SLC4A4: variants seen among roughly 807,000 people sequenced by gnomAD.
The protein encoded by SLC4A4 is electrogenic sodium bicarbonate cotransporter 1.
Under a neutral mutation model 111.5 loss-of-function variants are expected in SLC4A4, and 27 were observed. That is an observed-to-expected ratio of 0.24 (90% confidence interval 0.18 to 0.33). The LOEUF (loss-of-function observed/expected upper bound fraction) is 0.33. Among genes scored for constraint, SLC4A4 ranks in the 10% least tolerant of loss-of-function variants. The pLI is 1.00. For synonymous variants in SLC4A4, 443 were observed against 463.4 expected, an observed-to-expected ratio of 0.96 and a Z score of 0.57; for missense variants, 909 against 1,315.5, an observed-to-expected ratio of 0.69 and a Z score of 4.78.
intron 3 of SLC4A4, among the ~76,000 whole-genome samples, chr4:71,314,314 C>T (rs1726479353): frequency 1.3e-5 from 2 of 152,166 alleles, no homozygotes; most frequent in African/African-American, 4.8e-5. Flanking sequence ...TGCTTTTACA[C>T]TGTTGGTGGA....
rs1560626335 is a variant in SLC4A4, at chr4:71,563,881, C to T, written c.3188C>T (p.Pro1063Leu). ...CAACCTTTCCTAAGCGATAGCAAAC[C>T]TTCTGACAGTGAGTAGAACTAACCT... The part of the protein sequence containing the change: ...EQQPFLSDSK[P>L]SDRERSPTFL... Residue 1063 changes from proline (P) to leucine (L), a missense_variant, in exon 24 of 26, where the codon CCT (proline) becomes CTT (leucine). Pro to Leu is a moderately conservative substitution (Grantham distance 98, BLOSUM62 -3). Around this residue, in one of 7 missense-constraint regions of SLC4A4, gnomAD observed 85 missense variants for 79.8 expected, o/e 1.07. Coordinates refer to ENST00000264485, the MANE Select transcript of SLC4A4 (RefSeq NM_001098484.3). The T allele has an allele frequency of 1.9e-6, 3 of 1,602,600 alleles. No individual in the cohort carries two copies. Among genetic ancestry groups the T allele is most frequent in the Non-Finnish European group, 2.6e-6 (3 of 1,170,474 alleles).
intron 16 of SLC4A4, among the ~76,000 whole-genome samples, chr4:71,530,068 CTT>C (rs1187256444): frequency 1.3e-5 from 2 of 152,072 alleles, no homozygotes; most frequent in Non-Finnish European, 2.9e-5. Context: ...AAGAAACATC[CTT>C]TTTTTGCTGT....
chr4:71,430,277 G>A (rs910830606), intron 7 of SLC4A4, among the ~76,000 whole-genome samples: 2 of 152,014 alleles, frequency 1.3e-5, no homozygotes, highest in African/African-American at 4.8e-5. Flanking sequence ...TTTGAACATT[G>A]TAGGCACCCA....
intron 1 of SLC4A4, among the ~76,000 whole-genome samples, chr4:71,080,973 C>A (rs1741980745): frequency 6.6e-6 from 1 of 152,106 alleles, no homozygotes. Context: ...CACATATCCC[C>A]CTGCTTCCTT....
intron 2 of SLC4A4, among the ~76,000 whole-genome samples, chr4:71,166,973 T>C (rs769239034): frequency 2.0e-5 from 3 of 152,132 alleles, no homozygotes; most frequent in African/African-American, 4.8e-5. Context: ...TGCTGCTTGA[T>C]GAATTATTAC....
chr4:71,339,012 T>A, intron 3 of SLC4A4: 11 of 1,395,162 alleles, frequency 7.9e-6, no homozygotes, highest in Non-Finnish European at 8.4e-6. Context: ...TGGTTCAAGC[T>A]GGCTTTTGTC....
At chr4:71,345,996 A>G (rs2148897439) in intron 4 of SLC4A4, among the ~76,000 whole-genome samples, 1 of 152,236 alleles carries the variant, frequency 6.6e-6, no homozygotes, top group Non-Finnish European at 1.5e-5. Context: ...CATCATTTCA[A>G]TAGTTGTACG....
At chr4:71,326,815 T>C (rs1225969665) in intron 3 of SLC4A4, among the ~76,000 whole-genome samples, 1 of 152,022 alleles carries the variant, frequency 6.6e-6, no homozygotes, top group Admixed American at 6.6e-5. Flanking sequence ...CTGTGATATA[T>C]TTAATACATA....
In SLC4A4 at chr4:71,534,257, C is replaced by T. The variant is rs140882617; in HGVS notation, c.2311C>T (p.Pro771Ser). Residue 771 changes from proline (P) to serine (S), a missense_variant, in exon 18 of 26, where the codon CCA becomes TCA. Coordinates refer to ENST00000264485, the MANE Select transcript of SLC4A4 (RefSeq NM_001098484.3). The part of the protein sequence containing the change: ...PTSPNRGWFV[P>S]PFGENPWWVC... ...AAGTCCAAACCGAGGTTGGTTCGTT[C>T]CACCGTTTGGAGAAAACCCCTGGTG... is the stretch of plus-strand genomic sequence containing the variant. The T allele has an allele frequency of 1.5e-3, 2,365 of 1,613,652 alleles. 3 individuals carry two copies. Among genetic ancestry groups the T allele is most frequent in the Middle Eastern group, 5.0e-3 (30 of 6,056 alleles).
Position 71,117,421 on chromosome 4 carries a change from T to C in SLC4A4, c.-2+24629T>C, listed in dbSNP as rs1364320830. Among the ~76,000 whole-genome samples the C allele has an allele frequency of 3.9e-5, 6 of 152,134 alleles. No individual in the cohort carries two copies. The South Asian group carries it at 1.2e-3, about 32-fold the overall frequency. On this transcript the variant is annotated intron_variant, in intron 2 of 26. Transcript: ENST00000649996. ...TGTCCTGTGCTTGAAATAAAAAATATAGGTAGAGATTGTTTGTTTGTTTTA... is the reference window on the plus strand; with the variant it reads ...TGTCCTGTGCTTGAAATAAAAAATACAGGTAGAGATTGTTTGTTTGTTTTA...
chr4:71,227,104 A>G (rs1393678254), intron 1 of SLC4A4, among the ~76,000 whole-genome samples: 3 of 152,182 alleles, frequency 2.0e-5, no homozygotes, highest in Non-Finnish European at 4.4e-5. Context: ...CCAATGGAGA[A>G]CAGAGGAAGG....
Position 71,194,627 on chromosome 4 carries a change from G to T in SLC4A4, c.-2+7226G>T, listed in dbSNP as rs533251809. ...ATTTATGCCTCCAAGTAACACACACGACTTGGAGAACCCTTGAAAATGATT... is the reference window on the plus strand; with the variant it reads ...ATTTATGCCTCCAAGTAACACACACTACTTGGAGAACCCTTGAAAATGATT... On this transcript the variant is annotated intron_variant, in intron 1 of 25. Transcript: ENST00000264485. Among the ~76,000 whole-genome samples the T allele has an allele frequency of 6.6e-5, 10 of 152,170 alleles. No individual in the cohort carries two copies. In the East Asian group the frequency reaches 1.7e-3, roughly 26 times the overall value.
intron 6 of SLC4A4, among the ~76,000 whole-genome samples, chr4:71,389,991 A>G (rs535566500): frequency 3.3e-5 from 5 of 152,340 alleles, no homozygotes; most frequent in African/African-American, 1.2e-4. Flanking sequence ...GCACCTTCTG[A>G]CTGATGATAT....
At chr4:71,401,111 C>G (rs1720317868) in intron 7 of SLC4A4, among the ~76,000 whole-genome samples, 1 of 152,022 alleles carries the variant, frequency 6.6e-6, no homozygotes, top group Non-Finnish European at 1.5e-5. Flanking sequence ...CTTAGTAGCA[C>G]AAAGAATGGG....
intron 2 of SLC4A4, among the ~76,000 whole-genome samples, chr4:71,124,318 C>CAA (rs1743508565): frequency 6.6e-6 from 1 of 151,998 alleles, no homozygotes; most frequent in Non-Finnish European, 1.5e-5. Context: ...ACTACAGGTG[C>CAA]CCGCCACCAT....
At chr4:71,559,983 C>G (rs1578187811) in intron 22 of SLC4A4, 110 bp from the exon 23 acceptor site, 7 of 828,206 alleles carry the variant, frequency 8.5e-6, no homozygotes, top group South Asian at 6.8e-5. Context: ...CATACTCTAT[C>G]TAGCCTTACA....
intron 1 of SLC4A4, among the ~76,000 whole-genome samples, chr4:71,072,979 T>C (rs995587220): frequency 3.3e-5 from 5 of 151,948 alleles, no homozygotes; most frequent in African/African-American, 1.2e-4. Flanking sequence ...GAGACGGGGT[T>C]TCGCCATGAA....
intron 2 of SLC4A4, among the ~76,000 whole-genome samples, chr4:71,176,552 T>C (rs1352954477): frequency 1.3e-5 from 2 of 152,170 alleles, no homozygotes; most frequent in African/African-American, 4.8e-5. Context: ...CAGTAGCCGA[T>C]TTGATCAACT....
At chr4:71,108,899 C>T (rs1248272561) in intron 2 of SLC4A4, among the ~76,000 whole-genome samples, 1 of 152,002 alleles carries the variant, frequency 6.6e-6, no homozygotes, top group Non-Finnish European at 1.5e-5. Flanking sequence ...TGAATTTCTC[C>T]ATGTCTTCCT....
Sources: allele counts gnomAD v4.1 joint callset (sites outside exome capture counted in the v4.1 genomes callset), GRCh38; gene constraint gnomAD v4.1.1; regional missense constraint gnomAD v4.1.1; transcripts MANE v1.5; gene names NCBI Gene and HGNC (gene_info 2026-07-23, HGNC 2026-07-21).